The following MARCHF6 variants were observed in gnomAD, a reference collection of about 807,000 sequenced individuals.
MARCHF6 encodes membrane associated ring-CH-type finger 6.
In MARCHF6, 31 loss-of-function variants were observed where a neutral mutation model predicts 133.7. The ratio of observed to expected loss-of-function variants is 0.23; its 90% CI spans 0.17 to 0.31. MARCHF6 has a LOEUF of 0.31. Ranked by LOEUF, MARCHF6 falls within the 10% of genes least tolerant of loss-of-function variation. The pLI, the probability that MARCHF6 is intolerant of heterozygous loss-of-function variation, is 1.00. For synonymous variants in MARCHF6, 395 were observed against 402.5 expected, an observed-to-expected ratio of 0.98 and a Z score of 0.22; for missense variants, 723 against 1,121.6, an observed-to-expected ratio of 0.64 and a Z score of 5.08.
At chr5:10,420,166 A>T (rs1359072093) in intron 22 of MARCHF6, among the ~76,000 whole-genome samples, 1 of 152,204 alleles carries the variant, frequency 6.6e-6, no homozygotes, top group Non-Finnish European at 1.5e-5. Context: ...TAGTTCAGGG[A>T]AATGAGTGAC....
In MARCHF6 at chr5:10,435,639, CTATATATAT is replaced by C. The variant is rs1740580582; in HGVS notation, c.*1956_*1964del. The C allele has an allele frequency of 4.1e-4, 1 of 2,422 alleles. No homozygotes were observed. Among genetic ancestry groups the C allele is most frequent in the Non-Finnish European group, 6.6e-4 (1 of 1,518 alleles). The allele number at this position is 2,422 out of a possible 1,614,324, so 0.2% of individuals were successfully genotyped here. On this transcript the variant is annotated 3_prime_UTR_variant, in exon 26 of 26. Coordinates refer to ENST00000274140, the MANE Select transcript of MARCHF6 (RefSeq NM_005885.4). ...AGCATATAACTATATAACTATATAACTATATATATATATATATATATATATATATATATA... is the reference window on the plus strand; with the variant it reads ...AGCATATAACTATATAACTATATAACATATATATATATATATATATATATA...
chr5:10,380,175 G>C (rs1737045731), intron 3 of MARCHF6, among the ~76,000 whole-genome samples: 1 of 151,884 alleles, frequency 6.6e-6, no homozygotes, highest in East Asian at 1.9e-4. Context: ...GTGTGTGTGT[G>C]TGTGTGTGTG....
At position 10,411,241 on chromosome 5, in the gene MARCHF6, C is replaced by G. The variant is rs1739213493; in HGVS notation, c.1692-92C>G. 15 of 983,622 alleles carry G rather than the reference C, an allele frequency of 1.5e-5. No individual in the cohort carries two copies. The South Asian group carries it at 1.9e-4, about 12-fold the overall frequency. 60.9% of individuals were successfully genotyped at this position (983,622 alleles called of 1,614,324 possible). A position where few individuals can be genotyped will look rare whatever the true frequency, so the allele number is the denominator to read the frequency against. The stretch of plus-strand genomic sequence containing the variant: ...AAATTCTGTATTATACATTTTCTAC[C>G]CTTAGTAGTAAATATGAAGAAAATG... On this transcript the variant is annotated intron_variant, in intron 18 of 25. Coordinates refer to ENST00000274140, the MANE Select transcript of MARCHF6 (RefSeq NM_005885.4).
At position 10,417,393 on chromosome 5, in the gene MARCHF6, T is replaced by C; in HGVS notation, c.2272T>C (p.Tyr758His). The change falls in exon 22 of 26, where the codon TAT becomes CAT. Residue 758 changes from tyrosine (Y) to histidine (H), a missense_variant. Tyr to His is a moderately conservative substitution (Grantham distance 83). Transcript: ENST00000274140. The stretch of plus-strand genomic sequence containing the variant: ...TCCCTTGGATCAGACTCCTCTTTTT[T>C]ATCCATGGCAGGTAAATGTATGTCT... ...RVPLDQTPLF[Y>H]PWQDWALGVL... 1.3e-5 allele frequency: 21 copies of C among 1,613,714 alleles called. No individual in the cohort carries two copies. The highest frequency in any genetic ancestry group is 1.8e-5 in the Non-Finnish European group (21 of 1,179,910).
chr5:10,357,472 A>G (rs1323656990), intron 1 of MARCHF6, among the ~76,000 whole-genome samples: 1 of 152,160 alleles, frequency 6.6e-6, no homozygotes, highest in Non-Finnish European at 1.5e-5. Flanking sequence ...GCTTTACGGA[A>G]CATATTCATT....
intron 10 of MARCHF6, 106 bp downstream of exon 10, chr5:10,397,450 A>G (rs1358159633): frequency 3.7e-6 from 3 of 803,526 alleles, no homozygotes; most frequent in Non-Finnish European, 5.7e-6. Context: ...AGAAATAAAT[A>G]CTAAGCAGTA....
At chr5:10,433,153 G>T (rs1358752712) in intron 25 of MARCHF6, among the ~76,000 whole-genome samples, 2 of 152,152 alleles carry the variant, frequency 1.3e-5, no homozygotes, top group Non-Finnish European at 2.9e-5. Flanking sequence ...GCCTCCCTAC[G>T]TGCTGGGATT....
chr5:10,412,635 C>T (rs1470029956), intron 19 of MARCHF6, among the ~76,000 whole-genome samples: 5 of 152,184 alleles, frequency 3.3e-5, no homozygotes, highest in East Asian at 1.9e-4. Context: ...TTGCAGTGTG[C>T]GATCATGGCT....
chr5:10,407,319 T>A, intron 17 of MARCHF6, 117 bp downstream of exon 17: 1 of 442,420 alleles, frequency 2.3e-6, no homozygotes, highest in Non-Finnish European at 3.9e-6. Flanking sequence ...ATCTGACAAT[T>A]AAATTTTGCT....
chr5:10,381,087 T>A (rs1422614233), intron 3 of MARCHF6, among the ~76,000 whole-genome samples: 1 of 152,244 alleles, frequency 6.6e-6, no homozygotes, highest in East Asian at 1.9e-4. Flanking sequence ...AAGAATTGTT[T>A]GTTTTTCCTT....
chr5:10,380,361 G>A (rs1000032448), intron 3 of MARCHF6, among the ~76,000 whole-genome samples: 8 of 152,196 alleles, frequency 5.3e-5, no homozygotes, highest in Middle Eastern at 3.4e-3. Context: ...TCTGTAGTAC[G>A]TAAAAGCTGT....
At chr5:10,370,602 TG>T (rs1315019477) in intron 1 of MARCHF6, among the ~76,000 whole-genome samples, 2 of 152,188 alleles carry the variant, frequency 1.3e-5, no homozygotes, top group African/African-American at 4.8e-5. Flanking sequence ...TTTCGGTGAG[TG>T]TGTTCAGATC....
chr5:10,420,967 G>A (rs1010891348), intron 22 of MARCHF6, among the ~76,000 whole-genome samples: 14 of 152,118 alleles, frequency 9.2e-5, no homozygotes, highest in African/African-American at 3.4e-4. Context: ...CTGAAATCCT[G>A]TAATAACCCC....
chr5:10,411,167 A>G (rs1462373772), intron 18 of MARCHF6, among the ~76,000 whole-genome samples, 166 bp from the exon 19 acceptor site: 1 of 152,212 alleles, frequency 6.6e-6, no homozygotes, highest in Non-Finnish European at 1.5e-5. Flanking sequence ...GGTTTGATTT[A>G]AAGTGGGTAC....
At chr5:10,372,077 AAGAG>A (rs989250896) in intron 1 of MARCHF6, among the ~76,000 whole-genome samples, 4 of 152,244 alleles carry the variant, frequency 2.6e-5, no homozygotes, top group African/African-American at 7.2e-5. Flanking sequence ...AAAAAAAAAA[AAGAG>A]AGACATAGAG....
Position 10,378,833 on chromosome 5 carries a change from G to A in MARCHF6, c.190+1G>A. ...AAGCACAGATTTGCTTTTACACCAA[G>A]TAAGTTCTTTAGACATTTTCACTGC... On this transcript the variant is annotated splice_donor_variant, in intron 3 of 25. Coordinates refer to ENST00000274140, the MANE Select transcript of MARCHF6 (RefSeq NM_005885.4). LOFTEE classifies it high-confidence loss of function. 2 of 1,603,342 alleles carry A rather than the reference G, an allele frequency of 1.2e-6. No homozygotes were observed. The highest frequency in any genetic ancestry group is 8.5e-7 in the Non-Finnish European group (1 of 1,172,504).
chr5:10,406,772 CAAGTGAT>C (rs1192669521), intron 16 of MARCHF6, among the ~76,000 whole-genome samples: 1 of 152,142 alleles, frequency 6.6e-6, no homozygotes, highest in East Asian at 1.9e-4. Context: ...TAGCTGGTTA[CAAGTGAT>C]TTATTAAGTT....
chr5:10,432,305 T>C (rs1314443755), intron 25 of MARCHF6, among the ~76,000 whole-genome samples: 1 of 152,220 alleles, frequency 6.6e-6, no homozygotes, highest in Non-Finnish European at 1.5e-5. Flanking sequence ...CGGTCTCATT[T>C]CACTGATGAG....
intron 1 of MARCHF6, among the ~76,000 whole-genome samples, chr5:10,359,877 G>T (rs993325322): frequency 5.3e-5 from 8 of 152,088 alleles, no homozygotes; most frequent in African/African-American, 1.9e-4. Flanking sequence ...GTGGTGGCGG[G>T]TGCCTGTAAT....
Sources: allele counts gnomAD v4.1 joint callset (sites outside exome capture counted in the v4.1 genomes callset), GRCh38; gene constraint gnomAD v4.1.1; transcripts MANE v1.5; gene names NCBI Gene and HGNC (gene_info 2026-07-23, HGNC 2026-07-21).